The following INSIG1 variants were observed in gnomAD, a reference collection of about 807,000 sequenced individuals.
INSIG1 encodes insulin induced gene 1, also known as insulin-induced gene 1 protein.
Under a neutral mutation model 26.5 loss-of-function variants are expected in INSIG1, and 14 were observed. The observed-to-expected ratio is 0.53, with a 90% CI of 0.35 to 0.83. The LOEUF is 0.83. INSIG1 is among the 40% of genes least tolerant of loss of function. The probability of loss-of-function intolerance (pLI) is 0.01; values close to 1 mark genes in which losing one functional copy is unlikely to be tolerated. For missense variants in INSIG1, 272 were observed against 368.9 expected, an observed-to-expected ratio of 0.74 and a Z score of 2.15; for synonymous variants, 147 against 153.3, an observed-to-expected ratio of 0.96 and a Z score of 0.30.
At chr7:155,301,223 A>G (rs1466330310) in intron 2 of INSIG1, among the ~76,000 whole-genome samples, 1 of 152,242 alleles carries the variant, frequency 6.6e-6, no homozygotes, top group Non-Finnish European at 1.5e-5. Context: ...CTACATAGTC[A>G]TTTAAGTTCT....
rs1798014713 is a variant in INSIG1, at chr7:155,308,982, T to G, written c.*712T>G. The G allele has an allele frequency of 6.6e-6, 1 of 152,666 alleles. No individual in the cohort carries two copies. The highest frequency in any genetic ancestry group is 2.1e-4 in the South Asian group (1 of 4,834). 9.5% of individuals were successfully genotyped at this position (152,666 alleles called of 1,614,324 possible). ...TCTTGGTTCCCACACTGCGATATAT[T>G]GGAATTTTCACCTCAGTTTATGAAG... On this transcript the variant is annotated 3_prime_UTR_variant, in exon 6 of 6. Transcript: ENST00000340368.
rs116076329 is a variant in INSIG1 at position 155,301,671 on chromosome 7, G to T, written c.518G>T (p.Gly173Val). 1 of 1,599,048 alleles carries T rather than the reference G, an allele frequency of 6.3e-7. No homozygotes were observed. Among genetic ancestry groups the T allele is most frequent in the East Asian group, 2.2e-5 (1 of 44,756 alleles). ...ATGCGCTGCATAGCAGTTTTTGTTG[G>T]CATTAACCACGCCAGTGCTGTATCC... ...SVMRCIAVFV[G>V]INHASAKLDF... Residue 173 changes from glycine (G) to valine (V), a missense_variant, in exon 3 of 6, where the codon GGC becomes GTC. By Grantham distance (109) the Gly-to-Val change is moderately radical (BLOSUM62 -3). Transcript: ENST00000340368.
chr7:155,306,753 G>T (rs564381632), intron 5 of INSIG1, among the ~76,000 whole-genome samples: 1 of 152,218 alleles, frequency 6.6e-6, no homozygotes, highest in East Asian at 1.9e-4. Flanking sequence ...GGTGGCAGAG[G>T]TCGACGTGGC....
chr7:155,308,347 C>CT lies in INSIG1; in HGVS notation c.*83dup. On this transcript the variant is annotated 3_prime_UTR_variant, in exon 6 of 6. Transcript: ENST00000340368. Reference sequence around the variant, plus strand: ...GACTGTGGATTATGACAAAGATTATCTTTTTTCTTAAGTAATCTATTTAGA... The same window carrying CT: ...GACTGTGGATTATGACAAAGATTATCTTTTTTTCTTAAGTAATCTATTTAGA... 6.4e-7 allele frequency: 1 copy of CT among 1,558,798 alleles called. No homozygotes were observed. Among genetic ancestry groups the CT allele is most frequent in the African/African-American group, 1.4e-5 (1 of 73,792 alleles).
At chr7:155,299,319 C>A (rs1342744596) in intron 2 of INSIG1, among the ~76,000 whole-genome samples, 2 of 152,158 alleles carry the variant, frequency 1.3e-5, no homozygotes, top group Non-Finnish European at 2.9e-5. Context: ...TTTTCGTACA[C>A]CCAAGCAGTA....
intron 5 of INSIG1, among the ~76,000 whole-genome samples, chr7:155,304,934 G>A (rs1040046661): frequency 6.7e-6 from 1 of 148,456 alleles, no homozygotes; most frequent in Non-Finnish European, 1.5e-5. Flanking sequence ...TCAGGAGATC[G>A]AGACCATCCT....
Position 155,308,991 on chromosome 7 carries a change from CA to C in INSIG1, c.*722del, listed in dbSNP as rs1798014795. ...CCACACTGCGATATATTGGAATTTT[CA>C]CCTCAGTTTATGAAGTTTATTTCGA... On this transcript the variant is annotated 3_prime_UTR_variant, in exon 6 of 6. Transcript: ENST00000340368. The C allele has an allele frequency of 6.6e-6, 1 of 152,646 alleles. No individual in the cohort carries two copies. The highest frequency in any genetic ancestry group is 6.5e-5 in the Admixed American group (1 of 15,280). The allele number at this position is 152,646 out of a possible 1,614,324, so 9.5% of individuals were successfully genotyped here.
intron 5 of INSIG1, among the ~76,000 whole-genome samples, chr7:155,307,327 A>G (rs959522427): frequency 6.6e-6 from 1 of 152,172 alleles, no homozygotes; most frequent in African/African-American, 2.4e-5. Flanking sequence ...CTGGATGAGT[A>G]ATCTCCGTCA....
chr7:155,304,660 C>A (rs1194712668), intron 5 of INSIG1, among the ~76,000 whole-genome samples: 2 of 152,134 alleles, frequency 1.3e-5, no homozygotes, highest in East Asian at 3.9e-4. Flanking sequence ...GAAACATTTT[C>A]GTTTTGAAGA....
In INSIG1 at chr7:155,308,520, G is replaced by A. The variant is rs1185393817; in HGVS notation, c.*250G>A. Reference sequence around the variant, plus strand: ...CCCTGGAGCATTCTGCCCAGGCTACGTGGGTTCAGGCAGGTGGCAGCTTCC... The same window carrying A: ...CCCTGGAGCATTCTGCCCAGGCTACATGGGTTCAGGCAGGTGGCAGCTTCC... On this transcript the variant is annotated 3_prime_UTR_variant, in exon 6 of 6. Transcript: ENST00000340368. The A allele has an allele frequency of 1.2e-5, 6 of 518,338 alleles. No individual in the cohort carries two copies. The highest frequency in any genetic ancestry group is 2.9e-5 in the South Asian group (1 of 35,058). 32.1% of individuals were successfully genotyped at this position (518,338 alleles called of 1,614,324 possible).
At position 155,298,714 on chromosome 7, in the gene INSIG1, G is replaced by A; in HGVS notation, c.412+17G>A. 6.3e-7 allele frequency: 1 copy of A among 1,599,434 alleles called. No individual in the cohort carries two copies. The highest frequency in any genetic ancestry group is 2.2e-5 in the East Asian group (1 of 44,742). On this transcript the variant is annotated intron_variant, in intron 2 of 5. Transcript: ENST00000340368. Reference sequence around the variant, plus strand: ...CAGCAGCTGGTGAGTACCCCTCCTGGTTCTTCTGGAAGTAAAAAGGGTGTC... The same window carrying A: ...CAGCAGCTGGTGAGTACCCCTCCTGATTCTTCTGGAAGTAAAAAGGGTGTC...
At chr7:155,298,132 G>C (rs1309936581) in intron 1 of INSIG1, 127 bp from the exon 2 acceptor site, 1 of 678,448 alleles carries the variant, frequency 1.5e-6, no homozygotes, top group Non-Finnish European at 2.1e-6. Context: ...GGCCCCGGGC[G>C]GGCGCACGGG....
chr7:155,302,254 T>C lies in INSIG1; in HGVS notation c.541T>C (p.Leu181=). The C allele has an allele frequency of 1.9e-6, 3 of 1,550,282 alleles. No homozygotes were observed. The highest frequency in any genetic ancestry group is 2.6e-6 in the Non-Finnish European group (3 of 1,153,146). The change falls in exon 4 of 6, where the codon TTG becomes CTG. Residue 181 remains leucine, a synonymous_variant. Coordinates refer to ENST00000340368, the MANE Select transcript of INSIG1 (RefSeq NM_005542.6). The surrounding 1 kb of genome is among the most constrained non-coding windows in gnomAD (Gnocchi z 4.3). ...TCCTTAACTTTTATATCACCAGAAA[T>C]TGGATTTTGCCAATAATGTCCAGCT... ...FVGINHASAK[L]DFANNVQLSL...
chr7:155,303,270 G>A lies in INSIG1; in HGVS notation c.804+424G>A, dbSNP rs937894984. Among the ~76,000 whole-genome samples, 4 of 152,328 alleles carry A rather than the reference G, an allele frequency of 2.6e-5. No individual in the cohort carries two copies. The South Asian group carries it at 6.2e-4, about 24-fold the overall frequency. ...GTGTTTCTTTTCACAAAATCAGAGT[G>A]GATGCAGATGATGCTGGCCTCTTAG... On this transcript the variant is annotated intron_variant, in intron 5 of 5. Transcript: ENST00000340368.
intron 1 of INSIG1, 64 bp downstream of exon 1, chr7:155,298,023 C>T: frequency 8.6e-6 from 3 of 347,664 alleles, no homozygotes; most frequent in African/African-American, 2.1e-5. Flanking sequence ...CGGTCCTCCC[C>T]GGAGGTAGGC....
At position 155,309,669 on chromosome 7, in the gene INSIG1, T is replaced by A. The variant is rs1240011653; in HGVS notation, c.*1399T>A. 7.9e-5 allele frequency: 12 copies of A among 152,218 alleles called. No individual in the cohort carries two copies. The highest frequency in any genetic ancestry group is 2.9e-4 in the African/African-American group (12 of 41,446). The allele number at this position is 152,218 out of a possible 1,614,324, so 9.4% of individuals were successfully genotyped here. A position where few individuals can be genotyped will look rare whatever the true frequency, so the allele number is the denominator to read the frequency against. On this transcript the variant is annotated 3_prime_UTR_variant, in exon 6 of 6. Transcript: ENST00000340368. ...GGAACTTGCCTGTGAGCGCTGGTCTTTGTGTTTGGTTTTGTGATGTAACGA... is the reference window on the plus strand; with the variant it reads ...GGAACTTGCCTGTGAGCGCTGGTCTATGTGTTTGGTTTTGTGATGTAACGA...
chr7:155,298,473 G>A lies in INSIG1; in HGVS notation c.188G>A (p.Arg63His), dbSNP rs773576456. The A allele has an allele frequency of 3.2e-6, 5 of 1,561,052 alleles. No homozygotes were observed. Among genetic ancestry groups the A allele is most frequent in the South Asian group, 1.2e-5 (1 of 86,420 alleles). ...GACGCTGACCCCGCGCCCAGGGGCCGCAGTGCTGCGATGAGCGGCCCCGAG... is the reference window on the plus strand; with the variant it reads ...GACGCTGACCCCGCGCCCAGGGGCCACAGTGCTGCGATGAGCGGCCCCGAG... ...APDADPAPRG[R>H]SAAMSGPEPG... is the part of the protein sequence containing the mutation. Residue 63 changes from arginine to histidine, a missense_variant, in exon 2 of 6, where the codon CGC becomes CAC. Coordinates refer to ENST00000340368, the MANE Select transcript of INSIG1 (RefSeq NM_005542.6).
intron 2 of INSIG1, among the ~76,000 whole-genome samples, chr7:155,300,356 GAAGTA>G (rs1563029968): frequency 6.6e-6 from 1 of 152,086 alleles, no homozygotes; most frequent in African/African-American, 2.4e-5. Flanking sequence ...AAGCTATAGT[GAAGTA>G]AAGTTAATTT....
At position 155,307,636 on chromosome 7, in the gene INSIG1, A is replaced by G. The variant is rs189055149; in HGVS notation, c.805-605A>G. ...AGATGAGGAAGAACATGTAGAAAGGATTTCCCAACTGTGAAGCTCTGTGTG... is the reference window on the plus strand; with the variant it reads ...AGATGAGGAAGAACATGTAGAAAGGGTTTCCCAACTGTGAAGCTCTGTGTG... On this transcript the variant is annotated intron_variant, in intron 5 of 5. Coordinates refer to ENST00000340368, the MANE Select transcript of INSIG1 (RefSeq NM_005542.6). 1.7e-3 allele frequency among the ~76,000 whole-genome samples: 266 copies of G among 152,278 alleles called. 2 individuals carry two copies. The highest frequency in any genetic ancestry group is 5.9e-3 in the African/African-American group (245 of 41,538).
Sources: gnomAD v4.1 joint callset for allele counts (sites outside exome capture counted in the v4.1 genomes callset) on GRCh38, gnomAD v4.1.1 for gene constraint, Gnocchi (gnomAD v3.1) non-coding constraint, MANE v1.5 for transcripts, NCBI Gene and HGNC (gene_info 2026-07-23, HGNC 2026-07-21) for gene names.